Variants in TUSC3 observed in about 807,000 individuals in gnomAD.
TUSC3 encodes dolichyl-diphosphooligosaccharide--protein glycosyltransferase subunit TUSC3.
In TUSC3, 45 loss-of-function variants were observed where a neutral mutation model predicts 44.8. That is an observed-to-expected ratio of 1.00 (90% CI 0.79 to 1.29). TUSC3 has a LOEUF of 1.29. TUSC3 is among the 50% of genes most tolerant of loss of function. The pLI, the probability that TUSC3 is intolerant of heterozygous loss-of-function variation, is 0.00. For missense variants in TUSC3, 519 were observed against 437.9 expected (o/e 1.19, Z -1.65); for synonymous variants, 212 against 152.9 (o/e 1.39, Z -2.85).
chr8:15,480,877 A>G (rs1312162730), intron 1 of TUSC3, among the ~76,000 whole-genome samples: 3 of 152,174 alleles, frequency 2.0e-5, no homozygotes, highest in Non-Finnish European at 4.4e-5. Context: ...AGGTGATACA[A>G]TTCAGTCTAT....
At position 15,616,851 on chromosome 8, in the gene TUSC3, C is replaced by T. The variant is rs117251997; in HGVS notation, c.139-6229C>T. On this transcript the variant is annotated intron_variant, in intron 1 of 10. Coordinates refer to ENST00000503731, the MANE Select transcript of TUSC3 (RefSeq NM_006765.4). ...GTCGATTTCCAAGTCAGAAGCAGGTCGCCGCATGCCTGGCCCAGCCACAGG... is the reference window on the plus strand; with the variant it reads ...GTCGATTTCCAAGTCAGAAGCAGGTTGCCGCATGCCTGGCCCAGCCACAGG... 5.2e-3 allele frequency among the ~76,000 whole-genome samples: 788 copies of T among 152,152 alleles called. 11 individuals carry two copies. Among genetic ancestry groups the T allele is most frequent in the Middle Eastern group, 0.014 (4 of 294 alleles).
chr8:15,577,356 C>A (rs541858170), intron 1 of TUSC3, among the ~76,000 whole-genome samples: 1 of 151,752 alleles, frequency 6.6e-6, no homozygotes, highest in African/African-American at 2.4e-5. Flanking sequence ...GTTGCCATTG[C>A]TTTTGGTGTT....
At chr8:15,651,539 T>C (rs1806903865) in intron 3 of TUSC3, among the ~76,000 whole-genome samples, 1 of 152,216 alleles carries the variant, frequency 6.6e-6, no homozygotes, top group East Asian at 1.9e-4. Context: ...AAGGGACTGA[T>C]GTCCATATAA....
intron 5 of TUSC3, among the ~76,000 whole-genome samples, chr8:15,672,286 C>G (rs980931318): frequency 6.6e-6 from 1 of 152,060 alleles, no homozygotes; most frequent in Non-Finnish European, 1.5e-5. Flanking sequence ...ATGGATTAAC[C>G]TACTTAAAAC....
At chr8:15,611,472 C>A (rs1563132975) in intron 1 of TUSC3, among the ~76,000 whole-genome samples, 1 of 152,154 alleles carries the variant, frequency 6.6e-6, no homozygotes, top group Non-Finnish European at 1.5e-5. Flanking sequence ...CAGGCGTGAG[C>A]CATCGTACCT....
At chr8:15,516,583 G>A (rs1488488913) in intron 2 of TUSC3, among the ~76,000 whole-genome samples, 1 of 152,092 alleles carries the variant, frequency 6.6e-6, no homozygotes, top group East Asian at 1.9e-4. Context: ...GGAACTGAAA[G>A]CATTTGGCCC....
intron 1 of TUSC3, among the ~76,000 whole-genome samples, chr8:15,473,311 C>T (rs1048160900): frequency 8.6e-5 from 13 of 152,028 alleles, no homozygotes; most frequent in African/African-American, 2.9e-4. Flanking sequence ...TACAACACTG[C>T]AACAAAAAAA....
At chr8:15,636,889 C>T (rs1256283057) in intron 2 of TUSC3, among the ~76,000 whole-genome samples, 1 of 152,204 alleles carries the variant, frequency 6.6e-6, no homozygotes, top group Non-Finnish European at 1.5e-5. Context: ...AGTCTGTTCA[C>T]ATAGTCCCAA....
At chr8:15,610,670 G>T (rs910114137) in intron 1 of TUSC3, among the ~76,000 whole-genome samples, 3 of 152,150 alleles carry the variant, frequency 2.0e-5, no homozygotes, top group Non-Finnish European at 4.4e-5. Context: ...AAAGAGACTG[G>T]CAAATTGAAG....
At chr8:15,593,754 T>A (rs191757252) in intron 1 of TUSC3, among the ~76,000 whole-genome samples, 1 of 152,290 alleles carries the variant, frequency 6.6e-6, no homozygotes, top group East Asian at 1.9e-4. Flanking sequence ...CCTTTCTACA[T>A]CCAAGATCCT....
chr8:15,547,569 G>C (rs1801915775), intron 1 of TUSC3, among the ~76,000 whole-genome samples: 1 of 151,590 alleles, frequency 6.6e-6, no homozygotes, highest in African/African-American at 2.4e-5. Flanking sequence ...CAGGATACTA[G>C]GCATTTGACT....
intron 9 of TUSC3, among the ~76,000 whole-genome samples, chr8:15,753,169 G>C (rs1468454594): frequency 6.6e-6 from 1 of 151,734 alleles, no homozygotes; most frequent in African/African-American, 2.4e-5. Flanking sequence ...TCTGAGATTT[G>C]TTCTTTCTTA....
chr8:15,600,759 C>G (rs1804252595), intron 1 of TUSC3, among the ~76,000 whole-genome samples: 1 of 151,592 alleles, frequency 6.6e-6, no homozygotes, highest in Non-Finnish European at 1.5e-5. Flanking sequence ...AAGCTACTAG[C>G]TGTAGATTCT....
At chr8:15,562,718 C>G (rs77858013) in intron 1 of TUSC3, among the ~76,000 whole-genome samples, 126 of 152,190 alleles carry the variant, frequency 8.3e-4, no homozygotes, top group African/African-American at 3.0e-3. Flanking sequence ...TTGTGTTGCT[C>G]TCAGTTCTTT....
intron 2 of TUSC3, among the ~76,000 whole-genome samples, chr8:15,640,259 C>T (rs1806305810): frequency 6.6e-6 from 1 of 152,330 alleles, no homozygotes; most frequent in African/African-American, 2.4e-5. Flanking sequence ...TTACACGTGT[C>T]ACAACGGAAT....
At chr8:15,743,368 C>CA in intron 7 of TUSC3, 170 bp from the exon 8 acceptor site, 2 of 670,192 alleles carry the variant, frequency 3.0e-6, no homozygotes, top group Non-Finnish European at 5.2e-6. Flanking sequence ...AAAGTTAAGG[C>CA]ATATTTGCTC....
At chr8:15,558,976 GA>G (rs1167485487) in intron 1 of TUSC3, among the ~76,000 whole-genome samples, 5 of 149,866 alleles carry the variant, frequency 3.3e-5, no homozygotes, top group Admixed American at 1.3e-4. Context: ...TTAATTTTTT[GA>G]AGGGTTTTTT....
intron 2 of TUSC3, among the ~76,000 whole-genome samples, chr8:15,516,931 C>T (rs1324247815): frequency 6.6e-6 from 1 of 152,100 alleles, no homozygotes; most frequent in Admixed American, 6.6e-5. Flanking sequence ...AGTTCATGCT[C>T]TTGAAATTAG....
At chr8:15,768,123 G>A (rs889329051), downstream of TUSC3, among the ~76,000 whole-genome samples, 1 of 151,550 alleles carries the variant, frequency 6.6e-6, no homozygotes, top group African/African-American at 2.4e-5. Context: ...TAGAGAACCT[G>A]TCTGTAAAGT....
Sources: allele counts gnomAD v4.1 joint callset (sites outside exome capture counted in the v4.1 genomes callset), GRCh38; gene constraint gnomAD v4.1.1; transcripts MANE v1.5; gene names NCBI Gene and HGNC (gene_info 2026-07-23, HGNC 2026-07-21).